RNF213: variants seen among roughly 807,000 people sequenced by gnomAD.
RNF213 encodes the protein ring finger protein 213, also known as E3 ubiquitin-protein ligase RNF213.
A neutral mutation model predicts 514.4 loss-of-function variants in RNF213; 341 were observed. That is an observed-to-expected ratio of 0.66 (90% CI 0.61 to 0.73). RNF213 has a LOEUF of 0.73. Ranked by LOEUF, RNF213 falls within the 30% of genes least tolerant of loss-of-function variation. The probability of loss-of-function intolerance (pLI) is 0.00; values close to 1 mark genes in which losing one functional copy is unlikely to be tolerated. For synonymous variants in RNF213, 2,655 were observed against 2,658.2 expected (o/e 1.00, Z 0.04); for missense variants, 5,767 against 6,615.6 (o/e 0.87, Z 4.45).
chr17:80,370,784 T>C (rs2079488419), intron 46 of RNF213, among the ~76,000 whole-genome samples: 1 of 152,152 alleles, frequency 6.6e-6, no homozygotes. Context: ...GGAGGAAGGA[T>C]GCACATGATA....
Position 80,377,801 on chromosome 17 carries a change from G to A in RNF213, c.13545+5G>A. On this transcript the variant is annotated splice_donor_5th_base_variant and intron_variant, in intron 54 of 67. Transcript: ENST00000582970. This position sits in a 1 kb window ranked among gnomAD's most constrained non-coding sequence, Gnocchi z 4.1. ...CATCCTTGCTCCGTGGGAGAGGTGA[G>A]TCTTGGTATTTAAGATAGGGTTTGA... 1 of 1,614,194 alleles carries A rather than the reference G, an allele frequency of 6.2e-7. No individual in the cohort carries two copies. The highest frequency in any genetic ancestry group is 8.5e-7 in the Non-Finnish European group (1 of 1,180,026).
chr17:80,287,752 G>A (rs2044524454), intron 3 of RNF213, 63 bp from the exon 4 acceptor site: 1 of 1,561,366 alleles, frequency 6.4e-7, no homozygotes, highest in Non-Finnish European at 8.8e-7. Flanking sequence ...AAAGTTGGAG[G>A]GAAACACGGG....
Position 80,339,302 on chromosome 17 carries a change from C to G in RNF213, c.4935C>G (p.Pro1645=). The G allele has an allele frequency of 1.3e-6, 2 of 1,536,882 alleles. No homozygotes were observed. Among genetic ancestry groups the G allele is most frequent in the Non-Finnish European group, 1.7e-6 (2 of 1,146,588 alleles). ...GGATCGCCATGGCCTACTGCTCCCC[C>G]AAGCAGGGTGTGTCCCTCCAAATGG... ...RTWIAMAYCS[P]KQGVSLQMDF... is the part of the protein sequence containing the mutation. The change falls in exon 26 of 68, where the codon CCC becomes CCG. Residue 1645 remains proline (P), a synonymous_variant. Coordinates refer to ENST00000582970, the MANE Select transcript of RNF213 (RefSeq NM_001256071.3).
In RNF213 at chr17:80,376,890, T is replaced by C. The variant is rs2079781539; in HGVS notation, c.13437T>C (p.Phe4479=). 6.2e-7 allele frequency: 1 copy of C among 1,613,932 alleles called. No individual in the cohort carries two copies. Among genetic ancestry groups the C allele is most frequent in the Non-Finnish European group, 8.5e-7 (1 of 1,179,940 alleles). The change falls in exon 53 of 68, where the codon TTT becomes TTC. Residue 4479 remains phenylalanine, a synonymous_variant. Coordinates refer to ENST00000582970, the MANE Select transcript of RNF213 (RefSeq NM_001256071.3). ...GTCTTCTTGTTTTTCAGCATGCTTT[T>C]CTTCCAACCATGCCTGAAGACTTGC... ...AFSPATMAHA[F]LPTMPEDLLA... is the part of the protein sequence containing the mutation.
At chr17:80,391,993 C>T (rs1329058011) in intron 67 of RNF213, among the ~76,000 whole-genome samples, 2 of 152,048 alleles carry the variant, frequency 1.3e-5, no homozygotes, top group East Asian at 1.9e-4. Context: ...GTCTCGATCT[C>T]CTGACCTCAA....
chr17:80,293,453 TTAAA>T (rs2044813726), intron 8 of RNF213, among the ~76,000 whole-genome samples: 2 of 152,080 alleles, frequency 1.3e-5, no homozygotes, highest in Non-Finnish European at 2.9e-5. Flanking sequence ...ATAAATACAT[TTAAA>T]TATGGAATTC....
chr17:80,325,026 G>A lies in RNF213; in HGVS notation c.3025-4G>A, dbSNP rs970511075. The A allele has an allele frequency of 3.9e-6, 6 of 1,536,404 alleles. No homozygotes were observed. In the African/African-American group the frequency reaches 5.5e-5, roughly 14 times the overall value. On this transcript the variant is annotated splice_region_variant and splice_polypyrimidine_tract_variant and intron_variant, in intron 17 of 67. Coordinates refer to ENST00000582970, the MANE Select transcript of RNF213 (RefSeq NM_001256071.3). Reference sequence around the variant, plus strand: ...ATGTCCCTCTTTTATTAATTTTCTTGTAGTCTCAGACCAGTATCCTTCAGG... The same window carrying A: ...ATGTCCCTCTTTTATTAATTTTCTTATAGTCTCAGACCAGTATCCTTCAGG...
intron 14 of RNF213, among the ~76,000 whole-genome samples, chr17:80,312,727 A>G (rs1438806821): frequency 6.6e-6 from 1 of 152,150 alleles, no homozygotes; most frequent in Non-Finnish European, 1.5e-5. Flanking sequence ...GGACCTGCTC[A>G]TTGGCAGGAC....
In RNF213 at chr17:80,376,975, G is replaced by A. The variant is rs1297349857; in HGVS notation, c.13510+12G>A. On this transcript the variant is annotated intron_variant, in intron 53 of 67. Coordinates refer to ENST00000582970, the MANE Select transcript of RNF213 (RefSeq NM_001256071.3). The stretch of plus-strand genomic sequence containing the variant: ...AGTCCACTGGTACAGTAAGTGTTGG[G>A]GTCTAGATGACCCCACACTCCTTTG... 5 of 1,602,822 alleles carry A rather than the reference G, an allele frequency of 3.1e-6. No individual in the cohort carries two copies. Among genetic ancestry groups the A allele is most frequent in the Non-Finnish European group, 4.3e-6 (5 of 1,170,462 alleles).
chr17:80,291,789 G>T lies in RNF213; in HGVS notation c.1433G>T (p.Arg478Leu). 6.2e-7 allele frequency: 1 copy of T among 1,614,176 alleles called. No homozygotes were observed. The highest frequency in any genetic ancestry group is 8.5e-7 in the Non-Finnish European group (1 of 1,180,040). The change falls in exon 8 of 68, where the codon CGC (arginine) becomes CTC (leucine). Residue 478 changes from arginine (R) to leucine (L), a missense_variant. Physicochemically the swap from Arg to Leu is moderately radical, Grantham distance 102. Transcript: ENST00000582970. ...HQQKKGEYVN[R>L]CLFIKSSLLG... Reference sequence around the variant, plus strand: ...CAGAAGAAGGGCGAGTACGTCAACCGCTGTCTGTTCATAAAATCTTCACTT... The same window carrying T: ...CAGAAGAAGGGCGAGTACGTCAACCTCTGTCTGTTCATAAAATCTTCACTT...
intron 3 of RNF213, among the ~76,000 whole-genome samples, chr17:80,273,610 C>T (rs2043906840): frequency 1.4e-5 from 2 of 143,648 alleles, no homozygotes; most frequent in South Asian, 4.4e-4. Context: ...GGGCCTCCAC[C>T]GTCTTTTTTT....
rs2079766718 is a variant in RNF213 at position 80,376,517 on chromosome 17, C to T, written c.13402C>T (p.Leu4468=). 7 of 1,614,016 alleles carry T rather than the reference C, an allele frequency of 4.3e-6. No homozygotes were observed. Among genetic ancestry groups the T allele is most frequent in the Non-Finnish European group, 5.9e-6 (7 of 1,180,048 alleles). Residue 4468 remains leucine (L), a synonymous_variant, in exon 52 of 68, where the codon CTG becomes TTG. Coordinates refer to ENST00000582970, the MANE Select transcript of RNF213 (RefSeq NM_001256071.3). ...QNELLEPLKN[L]AFSPATMAHA... is the part of the protein sequence containing the mutation. ...TGAACTCTTGGAGCCCCTAAAGAAT[C>T]TGGCCTTCTCCCCAGCCACCATGGC... is the stretch of plus-strand genomic sequence containing the variant.
rs1466503796 is a variant in RNF213 at position 80,397,723 on chromosome 17, AAT to A, written c.*4227_*4228del. 9 of 151,610 alleles carry A rather than the reference AAT, an allele frequency of 5.9e-5. No homozygotes were observed. The highest frequency in any genetic ancestry group is 4.6e-4 in the Admixed American group (7 of 15,174). 9.4% of individuals were successfully genotyped at this position (151,610 alleles called of 1,614,324 possible). On this transcript the variant is annotated 3_prime_UTR_variant, in exon 68 of 68. Transcript: ENST00000582970. ...TGAGTCTTGCCGAAGCGCCCGGCTG[AAT>A]AAAGCCCTTCTTTAACTCGTGTCTG...
chr17:80,379,827 T>TG, intron 55 of RNF213, 113 bp downstream of exon 55: 1 of 857,992 alleles, frequency 1.2e-6, no homozygotes, highest in Non-Finnish European at 1.9e-6. Context: ...CCAGTACATG[T>TG]GGGCCTGTGT....
At chr17:80,357,143 C>T (rs1479513275) in intron 36 of RNF213, among the ~76,000 whole-genome samples, 1 of 152,118 alleles carries the variant, frequency 6.6e-6, no homozygotes, top group Non-Finnish European at 1.5e-5. Flanking sequence ...TCTCGAACTC[C>T]TGACCTCAGG....
Position 80,380,903 on chromosome 17 carries a change from C to G in RNF213, c.13713C>G (p.Asp4571Glu). The G allele has an allele frequency of 6.2e-7, 1 of 1,614,170 alleles. No individual in the cohort carries two copies. ...AGCGGAGAGACGTGGTGACATGTGA[C>G]CGAGGGCTGCCCCCAGTGGTCTTCC... The part of the protein sequence containing the change: ...NPQRRDVVTC[D>E]RGLPPVVFLL... The change falls in exon 56 of 68, where the codon GAC becomes GAG. Residue 4571 changes from aspartate to glutamate, a missense_variant. Physicochemically the swap from Asp to Glu is conservative, Grantham distance 45. Transcript: ENST00000582970.
At chr17:80,271,700 C>T (rs923060756) in intron 2 of RNF213, among the ~76,000 whole-genome samples, 1 of 152,132 alleles carries the variant, frequency 6.6e-6, no homozygotes, top group Non-Finnish European at 1.5e-5. Context: ...AAGAAAAGGC[C>T]GGGTGTGGTG....
intron 11 of RNF213, among the ~76,000 whole-genome samples, chr17:80,299,797 A>G (rs1456473525): frequency 1.3e-5 from 2 of 152,112 alleles, no homozygotes; most frequent in Non-Finnish European, 2.9e-5. Context: ...TCCCACTTAC[A>G]AGTGAGAACC....
In RNF213 at chr17:80,345,772, G is replaced by C. The variant is rs912423758; in HGVS notation, c.7437G>C (p.Gln2479His). The C allele has an allele frequency of 6.2e-7, 1 of 1,614,202 alleles. No individual in the cohort carries two copies. The highest frequency in any genetic ancestry group is 1.7e-5 in the Admixed American group (1 of 60,028). The change falls in exon 29 of 68, where the codon CAG becomes CAC. Residue 2479 changes from glutamine to histidine, a missense_variant. Transcript: ENST00000582970. This position sits in a 1 kb window ranked among gnomAD's most constrained non-coding sequence, Gnocchi z 6.0. ...CCTTCGCCAATAAGGACCAACATCA[G>C]TTGGACACCATCTTGTTTTTTGATG... ...NVAFANKDQH[Q>H]LDTILFFDEA...
Sources: gnomAD v4.1 joint callset for allele counts (sites outside exome capture counted in the v4.1 genomes callset) on GRCh38, gnomAD v4.1.1 for gene constraint, Gnocchi (gnomAD v3.1) non-coding constraint, MANE v1.5 for transcripts, NCBI Gene and HGNC (gene_info 2026-07-23, HGNC 2026-07-21) for gene names.